Variants in SLC35E3 observed in about 807,000 individuals in gnomAD.
SLC35E3 encodes the protein solute carrier family 35 member E3.
Under a neutral mutation model 30.8 loss-of-function variants are expected in SLC35E3, and 28 were observed. The observed-to-expected ratio is 0.91, with a 90% confidence interval of 0.67 to 1.25. The LOEUF (loss-of-function observed/expected upper bound fraction) is 1.25. SLC35E3 is among the 50% of genes most tolerant of loss of function. The pLI is 0.00. For synonymous variants in SLC35E3, 146 were observed against 149.2 expected (o/e 0.98, Z 0.16); for missense variants, 365 against 375.4 (o/e 0.97, Z 0.23).
intron 2 of SLC35E3, among the ~76,000 whole-genome samples, chr12:68,751,104 C>T (rs1326816770): frequency 6.6e-6 from 1 of 152,028 alleles, no homozygotes; most frequent in East Asian, 1.9e-4. Flanking sequence ...TCCAGTGTAT[C>T]TAGGTGTATT....
At chr12:68,759,662 C>G (rs1879173774) in intron 4 of SLC35E3, among the ~76,000 whole-genome samples, 1 of 151,210 alleles carries the variant, frequency 6.6e-6, no homozygotes, top group Non-Finnish European at 1.5e-5. Context: ...TGAGATTGTG[C>G]CACTGTACTC....
chr12:68,755,101 A>G (rs1308651142), intron 3 of SLC35E3, among the ~76,000 whole-genome samples: 1 of 152,154 alleles, frequency 6.6e-6, no homozygotes, highest in African/African-American at 2.4e-5. Context: ...TCATCTGACA[A>G]CAAGGAAGAG....
In SLC35E3 at chr12:68,769,897, A is replaced by G. The variant is rs905966735; in HGVS notation, c.*5007A>G. ...TATATTTCCTGTGATCTTAAGGAACATTTGTCTAGTATTAGAGATAGGACT... is the reference window on the plus strand; with the variant it reads ...TATATTTCCTGTGATCTTAAGGAACGTTTGTCTAGTATTAGAGATAGGACT... On this transcript the variant is annotated 3_prime_UTR_variant, in exon 5 of 5. Transcript: ENST00000398004. 1.3e-5 allele frequency: 2 copies of G among 152,224 alleles called. No homozygotes were observed. The highest frequency in any genetic ancestry group is 3.8e-4 in the East Asian group (2 of 5,200). The allele number at this position is 152,224 out of a possible 1,614,324, so 9.4% of individuals were successfully genotyped here.
chr12:68,773,588 G>C lies in SLC35E3; in HGVS notation c.*8698G>C, dbSNP rs1879662298. On this transcript the variant is annotated 3_prime_UTR_variant, in exon 5 of 5. Coordinates refer to ENST00000398004, the MANE Select transcript of SLC35E3 (RefSeq NM_018656.5). ...GGCCCAGATAATTTTATTTTTTGTA[G>C]AGACGGGGTCTTGCTATGTTGCCAG... 1 of 151,758 alleles carries C rather than the reference G, an allele frequency of 6.6e-6. No homozygotes were observed. Among genetic ancestry groups the C allele is most frequent in the Admixed American group, 6.6e-5 (1 of 15,180 alleles). 9.4% of individuals were successfully genotyped at this position (151,758 alleles called of 1,614,324 possible). A position where few individuals can be genotyped will look rare whatever the true frequency, so the allele number is the denominator to read the frequency against.
intron 4 of SLC35E3, among the ~76,000 whole-genome samples, chr12:68,764,370 C>A (rs1186252500): frequency 6.6e-6 from 1 of 152,216 alleles, no homozygotes; most frequent in Non-Finnish European, 1.5e-5. Context: ...CTCACTGCAA[C>A]CTCCACCTCC....
intron 3 of SLC35E3, among the ~76,000 whole-genome samples, chr12:68,753,835 C>CACACACA (rs71091554): frequency 6.8e-6 from 1 of 146,368 alleles, no homozygotes; most frequent in Non-Finnish European, 1.5e-5. Flanking sequence ...CACACACACA[C>CACACACA]CCCAATTAAA....
In SLC35E3 at chr12:68,752,130, C is replaced by T; in HGVS notation, c.612C>T (p.Pro204=). The change falls in exon 3 of 5, where the codon CCC becomes CCT. Residue 204 remains proline, a synonymous_variant. Transcript: ENST00000398004. The part of the protein sequence containing the change: ...MSSAMLLVAV[P]FFEPVFGEGG... ...CTGCCATGTTGCTGGTTGCTGTGCC[C>T]TTCTTTGAGCCAGTGTTTGGAGAAG... 1 of 1,613,932 alleles carries T rather than the reference C, an allele frequency of 6.2e-7. No individual in the cohort carries two copies. The highest frequency in any genetic ancestry group is 1.1e-5 in the South Asian group (1 of 91,032).
chr12:68,771,360 AC>A lies in SLC35E3; in HGVS notation c.*6471del, dbSNP rs1454659311. ...AATGTTTAGTTGAGGTGGAGATAAA[AC>A]AGGAGTTTCTGGGGTATGCCTGATA... is the stretch of plus-strand genomic sequence containing the variant. On this transcript the variant is annotated 3_prime_UTR_variant, in exon 5 of 5. Coordinates refer to ENST00000398004, the MANE Select transcript of SLC35E3 (RefSeq NM_018656.5). 1 of 152,188 alleles carries A rather than the reference AC, an allele frequency of 6.6e-6. No homozygotes were observed. The highest frequency in any genetic ancestry group is 1.5e-5 in the Non-Finnish European group (1 of 68,050). The allele number at this position is 152,188 out of a possible 1,614,324, so 9.4% of individuals were successfully genotyped here.
intron 3 of SLC35E3, among the ~76,000 whole-genome samples, chr12:68,754,938 A>G (rs964509138): frequency 1.3e-5 from 2 of 152,152 alleles, no homozygotes; most frequent in African/African-American, 4.8e-5. Context: ...GGCTGCTATA[A>G]CAAAACTACA....
intron 2 of SLC35E3, among the ~76,000 whole-genome samples, chr12:68,751,524 C>T (rs1194916662): frequency 6.6e-6 from 1 of 152,106 alleles, no homozygotes; most frequent in African/African-American, 2.4e-5. Flanking sequence ...GGACTCCTGA[C>T]CTCAGGTTAT....
intron 4 of SLC35E3, among the ~76,000 whole-genome samples, chr12:68,761,556 C>T (rs1879233616): frequency 6.6e-6 from 1 of 152,108 alleles, no homozygotes; most frequent in African/African-American, 2.4e-5. Context: ...CTGGGCTCTA[C>T]CACCAGATGC....
At position 68,767,336 on chromosome 12, in the gene SLC35E3, T is replaced by C. The variant is rs920747325; in HGVS notation, c.*2446T>C. The C allele has an allele frequency of 2.0e-5, 3 of 152,014 alleles. No individual in the cohort carries two copies. Among genetic ancestry groups the C allele is most frequent in the African/African-American group, 7.2e-5 (3 of 41,400 alleles). The allele number at this position is 152,014 out of a possible 1,614,324, so 9.4% of individuals were successfully genotyped here. The stretch of plus-strand genomic sequence containing the variant: ...AGAACAAAGACCAGCCCGGGCAACA[T>C]GGCAAAACCCTGTCTGCAAAAAATA... On this transcript the variant is annotated 3_prime_UTR_variant, in exon 5 of 5. Coordinates refer to ENST00000398004, the MANE Select transcript of SLC35E3 (RefSeq NM_018656.5).
At chr12:68,761,805 T>G (rs1428760297) in intron 4 of SLC35E3, among the ~76,000 whole-genome samples, 1 of 152,202 alleles carries the variant, frequency 6.6e-6, no homozygotes, top group Admixed American at 6.5e-5. Context: ...CAGGTTTTGC[T>G]GCCGAGTTGG....
chr12:68,747,863 G>A (rs1878652008), intron 1 of SLC35E3, 67 bp from the exon 2 acceptor site: 2 of 778,822 alleles, frequency 2.6e-6, no homozygotes. Flanking sequence ...AAGACATTGT[G>A]AAAGGAATAC....
chr12:68,754,114 G>C (rs144248556), intron 3 of SLC35E3, among the ~76,000 whole-genome samples: 2,672 of 151,988 alleles, frequency 0.018, 34 homozygotes, highest in Non-Finnish European at 0.027. Context: ...CAAAGTGCTG[G>C]GATTACAGTC....
intron 4 of SLC35E3, among the ~76,000 whole-genome samples, chr12:68,762,756 T>G (rs1879267463): frequency 6.6e-6 from 1 of 152,186 alleles, no homozygotes; most frequent in African/African-American, 2.4e-5. Flanking sequence ...AAATAAAACA[T>G]TATGACTATT....
Position 68,746,295 on chromosome 12 carries a change from G to A in SLC35E3, c.-83G>A. 2 of 1,389,006 alleles carry A rather than the reference G, an allele frequency of 1.4e-6. No homozygotes were observed. Among genetic ancestry groups the A allele is most frequent in the Non-Finnish European group, 1.9e-6 (2 of 1,033,170 alleles). The allele number at this position is 1,389,006 out of a possible 1,614,324, so 86.0% of individuals were successfully genotyped here. On this transcript the variant is annotated 5_prime_UTR_variant, in exon 1 of 5. Coordinates refer to ENST00000398004, the MANE Select transcript of SLC35E3 (RefSeq NM_018656.5). ...AGACGGTGAGGTCGGCGTCTGCGAG[G>A]ACGCGGCGGTGGAGTAGAAGGGCAG...
intron 2 of SLC35E3, among the ~76,000 whole-genome samples, chr12:68,750,661 G>T (rs183758066): frequency 6.5e-4 from 99 of 152,300 alleles, no homozygotes; most frequent in African/African-American, 2.4e-3. Context: ...GAAGACACGC[G>T]GCTGCCTGAA....
At chr12:68,756,299 A>AT (rs1377175670) in intron 3 of SLC35E3, among the ~76,000 whole-genome samples, 6 of 92,012 alleles carry the variant, frequency 6.5e-5, no homozygotes, top group Admixed American at 2.5e-4. Flanking sequence ...CAGAAAAGCC[A>AT]TTAAAAAAAA....
Sources: allele counts gnomAD v4.1 joint callset (sites outside exome capture counted in the v4.1 genomes callset), GRCh38; gene constraint gnomAD v4.1.1; transcripts MANE v1.5; gene names NCBI Gene and HGNC (gene_info 2026-07-23, HGNC 2026-07-21).